Variants in ADGRB3 observed in about 807,000 individuals in gnomAD.
ADGRB3 encodes the protein adhesion G protein-coupled receptor B3, also known as brain-specific angiogenesis inhibitor 3.
ADGRB3 carries 37 observed loss-of-function variants against 193.4 expected under a neutral mutation model. The observed-to-expected ratio is 0.19, with a 90% confidence interval of 0.15 to 0.25. ADGRB3 has a LOEUF of 0.25. Among genes scored for constraint, ADGRB3 ranks in the 10% least tolerant of loss-of-function variants. ADGRB3 has a pLI of 1.00. For missense variants in ADGRB3, 1,637 were observed against 1,852.9 expected (o/e 0.88, Z 2.14); for synonymous variants, 690 against 644.2 (o/e 1.07, Z -1.08).
intron 20 of ADGRB3, among the ~76,000 whole-genome samples, chr6:69,272,335 C>CAG (rs1359324116): frequency 2.0e-5 from 3 of 152,244 alleles, no homozygotes; most frequent in Non-Finnish European, 4.4e-5. Flanking sequence ...AATTAGAATG[C>CAG]AGTGTCGTGG....
intron 17 of ADGRB3, among the ~76,000 whole-genome samples, chr6:69,106,369 G>A (rs1773216614): frequency 1.3e-5 from 2 of 151,984 alleles, no homozygotes; most frequent in Non-Finnish European, 2.9e-5. Context: ...TTAATTAAAC[G>A]GTGGTGTATG....
intron 17 of ADGRB3, among the ~76,000 whole-genome samples, chr6:69,182,705 A>T (rs1164595915): frequency 6.6e-6 from 1 of 152,110 alleles, no homozygotes; most frequent in African/African-American, 2.4e-5. Context: ...AGTAAATTGG[A>T]TATAACGATT....
intron 20 of ADGRB3, among the ~76,000 whole-genome samples, chr6:69,320,453 C>CT (rs1424442157): frequency 1.3e-5 from 2 of 151,464 alleles, no homozygotes; most frequent in East Asian, 3.9e-4. Context: ...GTTCTTTTAT[C>CT]TTATTCCCTC....
chr6:69,149,932 G>A (rs1316056552), intron 17 of ADGRB3, among the ~76,000 whole-genome samples: 1 of 105,956 alleles, frequency 9.4e-6, no homozygotes, highest in South Asian at 2.7e-4. Flanking sequence ...TTCTGTGTGT[G>A]TGTGTGTGTG....
At chr6:68,867,898 C>T (rs1326166194) in intron 3 of ADGRB3, among the ~76,000 whole-genome samples, 2 of 152,176 alleles carry the variant, frequency 1.3e-5, no homozygotes, top group Non-Finnish European at 2.9e-5. Flanking sequence ...CGCCTGTACT[C>T]CCACTGTTTC....
chr6:69,130,753 T>C (rs1030986839), intron 17 of ADGRB3, among the ~76,000 whole-genome samples: 1 of 152,064 alleles, frequency 6.6e-6, no homozygotes, highest in African/African-American at 2.4e-5. Context: ...AATTCCAATG[T>C]GGATCAGTAT....
rs1177242766 is a variant in ADGRB3, at chr6:69,182,642, G to T, written c.2481-50648G>T. ...CACTGCCATTATTTCTGCATTACTT[G>T]AGGCAAATTGAGTGAGTCCCGTTCC... On this transcript the variant is annotated intron_variant, in intron 17 of 31. Coordinates refer to ENST00000370598, the MANE Select transcript of ADGRB3 (RefSeq NM_001704.3). Among the ~76,000 whole-genome samples, 3 of 151,726 alleles carry T rather than the reference G, an allele frequency of 2.0e-5. No individual in the cohort carries two copies. In the East Asian group the frequency reaches 5.8e-4, roughly 29 times the overall value.
intron 3 of ADGRB3, among the ~76,000 whole-genome samples, chr6:68,773,142 A>C (rs1766672609): frequency 6.6e-6 from 1 of 151,466 alleles, no homozygotes; most frequent in South Asian, 2.1e-4. Context: ...TATTCTACAA[A>C]CATTGCCTGT....
intron 20 of ADGRB3, among the ~76,000 whole-genome samples, chr6:69,254,149 C>G (rs973286541): frequency 4.6e-5 from 7 of 152,098 alleles, no homozygotes; most frequent in African/African-American, 7.2e-5. Context: ...TTTTAAAAGC[C>G]TTTAGTGAAT....
intron 3 of ADGRB3, among the ~76,000 whole-genome samples, chr6:68,679,209 G>A (rs1764834918): frequency 6.6e-6 from 1 of 152,118 alleles, no homozygotes; most frequent in Non-Finnish European, 1.5e-5. Context: ...GGTAATGTTT[G>A]CTGCTGTAAT....
intron 13 of ADGRB3, among the ~76,000 whole-genome samples, chr6:69,040,586 G>A (rs2150298330): frequency 7.2e-6 from 1 of 139,490 alleles, no homozygotes; most frequent in South Asian, 2.3e-4. Context: ...TCAATGGAGA[G>A]CACTGAAGTC....
At chr6:69,318,861 G>GTA (rs71536460) in intron 20 of ADGRB3, among the ~76,000 whole-genome samples, 32,208 of 147,714 alleles carry the variant, frequency 0.22, 3,895 homozygotes, top group African/African-American at 0.32. Flanking sequence ...ATGTATAACT[G>GTA]TATATATATA....
Position 68,993,812 on chromosome 6 carries a change from T to C in ADGRB3, c.1779T>C (p.Asp593=), listed in dbSNP as rs1383904283. 2 of 1,613,976 alleles carry C rather than the reference T, an allele frequency of 1.2e-6. No individual in the cohort carries two copies. Among genetic ancestry groups the C allele is most frequent in the Non-Finnish European group, 1.7e-6 (2 of 1,179,840 alleles). ...AGGGGCAGCGAATGCTGGCAGGTGATGGAATGTCCCAGGTGACCAAGACAC... is the reference window on the plus strand; with the variant it reads ...AGGGGCAGCGAATGCTGGCAGGTGACGGAATGTCCCAGGTGACCAAGACAC... ...LAKGQRMLAG[D]GMSQVTKTLL... is the part of the protein sequence containing the mutation. The change falls in exon 11 of 32, where the codon GAT becomes GAC. Residue 593 remains aspartate, a synonymous_variant. Coordinates refer to ENST00000370598, the MANE Select transcript of ADGRB3 (RefSeq NM_001704.3).
intron 17 of ADGRB3, among the ~76,000 whole-genome samples, chr6:69,141,563 T>C (rs950849451): frequency 6.6e-6 from 1 of 151,958 alleles, no homozygotes; most frequent in African/African-American, 2.4e-5. Context: ...CAAAGGCTGT[T>C]TTGGAGGGTA....
At chr6:69,055,449 A>T (rs1197137438) in intron 15 of ADGRB3, among the ~76,000 whole-genome samples, 1 of 152,168 alleles carries the variant, frequency 6.6e-6, no homozygotes, top group Non-Finnish European at 1.5e-5. Flanking sequence ...TTTGTCTTGT[A>T]GCATATGATA....
At position 69,296,186 on chromosome 6, in the gene ADGRB3, A is replaced by G. The variant is rs563809594; in HGVS notation, c.2815-28686A>G. 2.6e-5 allele frequency among the ~76,000 whole-genome samples: 4 copies of G among 152,294 alleles called. No individual in the cohort carries two copies. The South Asian group carries it at 8.3e-4, about 32-fold the overall frequency. ...ATATTAACTAAGTTGATGAATATCC[A>G]AAGTGAGATAGGCTTATTATTGTTA... On this transcript the variant is annotated intron_variant, in intron 20 of 31. Coordinates refer to ENST00000370598, the MANE Select transcript of ADGRB3 (RefSeq NM_001704.3).
At chr6:69,031,571 C>CTTTCTTTCTTTCTTTCTCTCTCT (rs1337493560) in intron 13 of ADGRB3, among the ~76,000 whole-genome samples, 6 of 106,942 alleles carry the variant, frequency 5.6e-5, no homozygotes, top group Non-Finnish European at 5.8e-5. Flanking sequence ...TTCTTTTCTT[C>CTTTCTTTCTTTCTTTCTCTCTCT]CTCTGTCTCT....
intron 3 of ADGRB3, among the ~76,000 whole-genome samples, chr6:68,863,802 A>G (rs1302493973): frequency 1.3e-5 from 2 of 152,166 alleles, no homozygotes; most frequent in Admixed American, 1.3e-4. Context: ...TATCCGTTAC[A>G]TTAAATCATG....
At position 69,389,064 on chromosome 6, in the gene ADGRB3, A is replaced by G; in HGVS notation, c.*173A>G. The G allele has an allele frequency of 1.7e-6, 1 of 605,812 alleles. No homozygotes were observed. The allele number at this position is 605,812 out of a possible 1,614,324, so 37.5% of individuals were successfully genotyped here. A position where few individuals can be genotyped will look rare whatever the true frequency, so the allele number is the denominator to read the frequency against. On this transcript the variant is annotated 3_prime_UTR_variant, in exon 32 of 32. Transcript: ENST00000370598. ...CTTCTCACTAGTCAGGCTAGTGGAG[A>G]GATGACCAGGTGTACAGTTCTGACC...
Sources: allele counts gnomAD v4.1 joint callset (sites outside exome capture counted in the v4.1 genomes callset), GRCh38; gene constraint gnomAD v4.1.1; transcripts MANE v1.5; gene names NCBI Gene and HGNC (gene_info 2026-07-23, HGNC 2026-07-21).